MGAT5B: variants seen among roughly 807,000 people sequenced by gnomAD.
The protein encoded by MGAT5B is alpha-1,6-mannosylglycoprotein 6-beta-N-acetylglucosaminyltransferase B, also known as N-acetylglucosaminyl-transferase Vb.
In MGAT5B, 54 loss-of-function variants were observed where a neutral mutation model predicts 95.1. The ratio of observed to expected loss-of-function variants is 0.57; its 90% CI spans 0.46 to 0.71. The LOEUF is 0.71. MGAT5B is among the 30% of genes least tolerant of loss of function. The pLI, the probability that MGAT5B is intolerant of heterozygous loss-of-function variation, is 0.00. For synonymous variants in MGAT5B, 464 were observed against 451.0 expected (o/e 1.03, Z -0.36); for missense variants, 935 against 1,088.6 (o/e 0.86, Z 1.99).
chr17:76,911,055 T>C (rs1296822727), intron 8 of MGAT5B, among the ~76,000 whole-genome samples: 1 of 152,210 alleles, frequency 6.6e-6, no homozygotes, highest in Non-Finnish European at 1.5e-5. Context: ...GGGTGGGGGT[T>C]CTTAACCCTG....
At chr17:76,903,517 A>T in intron 5 of MGAT5B, 141 bp downstream of exon 5, 2 of 528,782 alleles carry the variant, frequency 3.8e-6, no homozygotes, top group Non-Finnish European at 6.6e-6. Context: ...CCCACCCATC[A>T]ATCCAAATCC....
At chr17:76,929,181 T>C (rs1019056981) in intron 10 of MGAT5B, among the ~76,000 whole-genome samples, 2 of 152,176 alleles carry the variant, frequency 1.3e-5, no homozygotes, top group Non-Finnish European at 2.9e-5. Flanking sequence ...AACATTTTTA[T>C]TGAGGTGTAT....
chr17:76,922,534 A>G (rs1208108016), intron 8 of MGAT5B, among the ~76,000 whole-genome samples: 2 of 152,250 alleles, frequency 1.3e-5, no homozygotes, highest in Non-Finnish European at 2.9e-5. Flanking sequence ...TGCAGAGTGA[A>G]TGCAGAATTT....
At chr17:76,939,043 T>G (rs1598999314) in intron 13 of MGAT5B, among the ~76,000 whole-genome samples, 1 of 147,690 alleles carries the variant, frequency 6.8e-6, no homozygotes, top group Non-Finnish European at 1.5e-5. Flanking sequence ...TGTGTGTGTG[T>G]GTGTGTGTGT....
intron 2 of MGAT5B, among the ~76,000 whole-genome samples, 188 bp from the exon 3 acceptor site, chr17:76,881,963 C>G (rs1362184173): frequency 1.3e-5 from 2 of 152,266 alleles, no homozygotes; most frequent in African/African-American, 4.8e-5. Flanking sequence ...ATGCTGTTCT[C>G]TGCACCGCAA....
At chr17:76,946,332 C>T (rs1472714136) in intron 15 of MGAT5B, 44 bp from the exon 16 acceptor site, 4 of 1,540,826 alleles carry the variant, frequency 2.6e-6, no homozygotes, top group Non-Finnish European at 3.6e-6. Flanking sequence ...CCCCCGACGG[C>T]TGGGCCTTCT....
chr17:76,885,357 A>T (rs932807511), intron 3 of MGAT5B, among the ~76,000 whole-genome samples: 1 of 152,102 alleles, frequency 6.6e-6, no homozygotes, highest in Non-Finnish European at 1.5e-5. Flanking sequence ...CCTCTGATGC[A>T]GCCTCTGTCC....
At chr17:76,932,113 C>T (rs1368347478) in intron 10 of MGAT5B, among the ~76,000 whole-genome samples, 3 of 87,356 alleles carry the variant, frequency 3.4e-5, no homozygotes, top group Non-Finnish European at 6.8e-5. Context: ...TCTTTGTCTT[C>T]GTCTTCTTTG....
intron 10 of MGAT5B, among the ~76,000 whole-genome samples, chr17:76,931,453 G>A (rs1969473173): frequency 6.6e-6 from 1 of 152,218 alleles, no homozygotes; most frequent in Non-Finnish European, 1.5e-5. Context: ...TGGTCGGTAA[G>A]TGCTGTGATG....
chr17:76,871,809 A>G (rs113940270), intron 1 of MGAT5B, among the ~76,000 whole-genome samples: 37 of 152,326 alleles, frequency 2.4e-4, no homozygotes, highest in African/African-American at 8.9e-4. Context: ...CAGCTCTACC[A>G]GTTCATCAAG....
chr17:76,906,089 G>T lies in MGAT5B; in HGVS notation c.927G>T (p.Gly309=). 1 of 1,607,024 alleles carries T rather than the reference G, an allele frequency of 6.2e-7. No homozygotes were observed. ...TCAGCCCTCGGGTCCTGAAGGGCGG[G>T]CCCCTAGGGGAGATGGTGCAGTGGG... The part of the protein sequence containing the change: ...DVFSPRVLKG[G]PLGEMVQWAD... The change falls in exon 8 of 18, where the codon GGG becomes GGT. Residue 309 remains glycine (G), a synonymous_variant. Coordinates refer to ENST00000569840, the MANE Select transcript of MGAT5B (RefSeq NM_001199172.2). The surrounding 1 kb of genome is among the most constrained non-coding windows in gnomAD (Gnocchi z 4.6).
intron 3 of MGAT5B, among the ~76,000 whole-genome samples, chr17:76,891,837 T>C (rs1160021469): frequency 1.3e-5 from 2 of 152,032 alleles, no homozygotes; most frequent in Non-Finnish European, 2.9e-5. Context: ...GAGAGGCTTG[T>C]GGGTCTAGGA....
At chr17:76,891,962 AG>A (rs1321885281) in intron 3 of MGAT5B, among the ~76,000 whole-genome samples, 4 of 152,142 alleles carry the variant, frequency 2.6e-5, no homozygotes, top group African/African-American at 9.7e-5. Flanking sequence ...TGAGGAGGGC[AG>A]GGGGCTTCCT....
chr17:76,897,721 CTTTCTTTT>C, intron 3 of MGAT5B, among the ~76,000 whole-genome samples: 1 of 78,096 alleles, frequency 1.3e-5, no homozygotes, highest in Non-Finnish European at 2.2e-5. Context: ...TTCTTTCTTT[CTTTCTTTT>C]TCTTTTTTTT....
chr17:76,932,690 T>C lies in MGAT5B; in HGVS notation c.1337T>C (p.Leu446Pro). The C allele has an allele frequency of 6.2e-7, 1 of 1,613,954 alleles. No individual in the cohort carries two copies. The change falls in exon 11 of 18, where the codon CTC becomes CCC. Residue 446 changes from leucine to proline, a missense_variant. By Grantham distance (98) the Leu-to-Pro change is moderately conservative. Coordinates refer to ENST00000569840, the MANE Select transcript of MGAT5B (RefSeq NM_001199172.2). ...TTCATGGGCTTCGTGTCCGAGGAGC[T>C]CAACGAGACGGAGAAGCGGCTCATC... ...NSFMGFVSEE[L>P]NETEKRLIKG...
At chr17:76,941,051 A>G (rs1328931792) in intron 15 of MGAT5B, among the ~76,000 whole-genome samples, 1 of 152,184 alleles carries the variant, frequency 6.6e-6, no homozygotes, top group East Asian at 1.9e-4. Flanking sequence ...CCATTCATCT[A>G]CTCAGGTGTG....
At position 76,940,447 on chromosome 17, in the gene MGAT5B, G is replaced by A; in HGVS notation, c.1630G>A (p.Glu544Lys). The change falls in exon 14 of 18, where the codon GAG becomes AAG. Residue 544 changes from glutamate to lysine, a missense_variant. By Grantham distance (56) the Glu-to-Lys change is moderately conservative (BLOSUM62 1). Transcript: ENST00000569840. This position sits in a 1 kb window ranked among gnomAD's most constrained non-coding sequence, Gnocchi z 4.3. Reference protein sequence around the residue: ...GFPYEGPAPLEAIANGCIFLQ... With the variant: ...GFPYEGPAPLKAIANGCIFLQ... ...CCCCTACGAGGGCCCCGCCCCCCTG[G>A]AGGCCATCGCCAATGGTTGCATCTT... 2 of 1,613,750 alleles carry A rather than the reference G, an allele frequency of 1.2e-6. No homozygotes were observed. The highest frequency in any genetic ancestry group is 1.7e-6 in the Non-Finnish European group (2 of 1,179,850).
chr17:76,900,985 A>G (rs55638338), intron 3 of MGAT5B, among the ~76,000 whole-genome samples: 13,965 of 151,896 alleles, frequency 0.092, 1,672 homozygotes, highest in African/African-American at 0.27. Context: ...GTGTGTGTGC[A>G]TGTGTGTACA....
intron 2 of MGAT5B, among the ~76,000 whole-genome samples, chr17:76,873,699 T>G (rs1358194757): frequency 1.3e-5 from 2 of 152,126 alleles, no homozygotes; most frequent in African/African-American, 2.4e-5. Context: ...TCATCTCACC[T>G]AAGGAGGGGT....
Sources: allele counts gnomAD v4.1 joint callset (sites outside exome capture counted in the v4.1 genomes callset), GRCh38; gene constraint gnomAD v4.1.1; non-coding constraint Gnocchi (gnomAD v3.1); transcripts MANE v1.5; gene names NCBI Gene and HGNC (gene_info 2026-07-23, HGNC 2026-07-21).